ZDHHC21: variants seen among roughly 807,000 people sequenced by gnomAD.
ZDHHC21 encodes the protein palmitoyltransferase ZDHHC21.
ZDHHC21 carries 15 observed loss-of-function variants against 34.6 expected under a neutral mutation model. That is an observed-to-expected ratio of 0.43 (90% CI 0.29 to 0.67). The LOEUF (loss-of-function observed/expected upper bound fraction) is 0.67, where lower values mean the gene tolerates loss of function less well. ZDHHC21 is among the 30% of genes least tolerant of loss of function. ZDHHC21 has a pLI of 0.14. For synonymous variants in ZDHHC21, 142 were observed against 101.8 expected (o/e 1.40, Z -2.38); for missense variants, 344 against 327.7 (o/e 1.05, Z -0.38).
the ZDHHC21 span, among the ~76,000 whole-genome samples, chr9:14,600,575 G>C: frequency 6.6e-6 from 1 of 152,146 alleles, no homozygotes; most frequent in Non-Finnish European, 1.5e-5. Flanking sequence ...TGGCCATATT[G>C]CCCAAAGTAA....
chr9:14,648,004 T>C (rs549437887), intron 7 of ZDHHC21, among the ~76,000 whole-genome samples: 1 of 152,228 alleles, frequency 6.6e-6, no homozygotes, highest in African/African-American at 2.4e-5. Context: ...AGTAAACATG[T>C]GTAAAACCCA....
intron 8 of ZDHHC21, among the ~76,000 whole-genome samples, chr9:14,635,730 C>A (rs199623521): frequency 6.6e-6 from 1 of 152,138 alleles, no homozygotes; most frequent in African/African-American, 2.4e-5. Context: ...CATAAAAACA[C>A]ATGAAAGTAT....
rs2133404006 is a variant in ZDHHC21 at position 14,617,470 on chromosome 9, C to G, written c.*1496G>C. 6.6e-6 allele frequency: 1 copy of G among 152,058 alleles called. No homozygotes were observed. The highest frequency in any genetic ancestry group is 1.9e-4 in the East Asian group (1 of 5,162). 9.4% of individuals were successfully genotyped at this position (152,058 alleles called of 1,614,324 possible). A position where few individuals can be genotyped will look rare whatever the true frequency, so the allele number is the denominator to read the frequency against. The stretch of plus-strand genomic sequence containing the variant: ...TAGCCAACTGGCTGACAATGGTAAC[C>G]TTCTGTTTAATTATTTCCCAGGTAT... On this transcript the variant is annotated 3_prime_UTR_variant, in exon 10 of 10. Transcript: ENST00000380916.
chr9:14,602,105 C>T, the ZDHHC21 span, among the ~76,000 whole-genome samples: 10 of 151,750 alleles, frequency 6.6e-5, no homozygotes, highest in Non-Finnish European at 1.2e-4. Flanking sequence ...ATGTAACAAA[C>T]CTGCATGTTC....
At chr9:14,658,153 C>A (rs563743889) in intron 7 of ZDHHC21, among the ~76,000 whole-genome samples, 1 of 152,112 alleles carries the variant, frequency 6.6e-6, no homozygotes, top group East Asian at 1.9e-4. Context: ...GAAACAAGAA[C>A]ATTTTGTCTT....
At chr9:14,594,150 G>T in the ZDHHC21 span, 2 of 152,156 alleles carry the variant, frequency 1.3e-5, no homozygotes, top group Non-Finnish European at 2.9e-5. Context: ...GCTTTTTTCA[G>T]ATGTAGATAG....
In ZDHHC21 at chr9:14,613,741, T is replaced by C. The variant is rs1823718484; in HGVS notation, c.*5225A>G. The C allele has an allele frequency of 6.6e-6, 1 of 151,774 alleles. No homozygotes were observed. The highest frequency in any genetic ancestry group is 2.4e-5 in the African/African-American group (1 of 41,386). The allele number at this position is 151,774 out of a possible 1,614,324, so 9.4% of individuals were successfully genotyped here. A position where few individuals can be genotyped will look rare whatever the true frequency, so the allele number is the denominator to read the frequency against. Reference sequence around the variant, plus strand: ...TGTTAAAGTGAAAGCCACCCTTATATATTGTTTATTTTTCCTCTGGTGACA... The same window carrying C: ...TGTTAAAGTGAAAGCCACCCTTATACATTGTTTATTTTTCCTCTGGTGACA... On this transcript the variant is annotated 3_prime_UTR_variant, in exon 10 of 10. Transcript: ENST00000380916.
intron 8 of ZDHHC21, among the ~76,000 whole-genome samples, chr9:14,631,222 T>G (rs1827286397): frequency 6.6e-6 from 1 of 152,240 alleles, no homozygotes; most frequent in Non-Finnish European, 1.5e-5. Context: ...TTGCAACTTC[T>G]ACATCAGCAC....
rs971595507 is a variant in ZDHHC21 at position 14,614,298 on chromosome 9, A to T, written c.*4668T>A. ...GATAATGGAAAGTATCAGTAATATC[A>T]ATGACTTTTTAAAATACCATTGTTA... On this transcript the variant is annotated 3_prime_UTR_variant, in exon 10 of 10. Coordinates refer to ENST00000380916, the MANE Select transcript of ZDHHC21 (RefSeq NM_178566.6). 1 of 8,788 alleles carries T rather than the reference A, an allele frequency of 1.1e-4. No individual in the cohort carries two copies. Among genetic ancestry groups the T allele is most frequent in the African/African-American group, 3.2e-4 (1 of 3,152 alleles). The allele number at this position is 8,788 out of a possible 1,614,324, so 0.5% of individuals were successfully genotyped here.
chr9:14,606,191 T>C (rs1171811110), downstream of ZDHHC21, among the ~76,000 whole-genome samples: 3 of 152,160 alleles, frequency 2.0e-5, no homozygotes, highest in African/African-American at 4.8e-5. Context: ...TCCTATATAC[T>C]TTTCCTGTGA....
intron 1 of ZDHHC21, among the ~76,000 whole-genome samples, 172 bp from the exon 2 acceptor site, chr9:14,690,557 GGAA>G (rs1839015026): frequency 6.6e-6 from 1 of 152,130 alleles, no homozygotes; most frequent in African/African-American, 2.4e-5. Flanking sequence ...TCTGAAATGG[GGAA>G]GAAGGTTAAT....
At chr9:14,605,901 A>G in the ZDHHC21 span, among the ~76,000 whole-genome samples, 2 of 152,208 alleles carry the variant, frequency 1.3e-5, no homozygotes, top group Admixed American at 6.5e-5. Context: ...AAATGTACAA[A>G]ACATTGAAGT....
In ZDHHC21 at chr9:14,680,097, G is replaced by A. The variant is rs749933077; in HGVS notation, c.-110C>T. ...AATCTGCATTTAGAGATTTTCTTTT[G>A]ATTCATTTTTTTTAATTATATCCCA... On this transcript the variant is annotated 5_prime_UTR_variant, in exon 3 of 10. An upstream open reading frame in the 5' UTR gains an earlier in-frame stop. Coordinates refer to ENST00000380916, the MANE Select transcript of ZDHHC21 (RefSeq NM_178566.6). 3.9e-5 allele frequency: 6 copies of A among 152,324 alleles called. No homozygotes were observed. The highest frequency in any genetic ancestry group is 7.4e-5 in the Non-Finnish European group (5 of 67,934). The allele number at this position is 152,324 out of a possible 1,614,324, so 9.4% of individuals were successfully genotyped here.
At chr9:14,608,715 C>A (rs146439570), downstream of ZDHHC21, among the ~76,000 whole-genome samples, 40 of 151,448 alleles carry the variant, frequency 2.6e-4, no homozygotes, top group African/African-American at 8.7e-4. Context: ...ACTGTTTGCT[C>A]AGCTGGATGT....
chr9:14,619,174 G>C (rs184261455), intron 9 of ZDHHC21, 76 bp from the exon 10 acceptor site: 5 of 1,450,002 alleles, frequency 3.4e-6, no homozygotes, highest in Admixed American at 2.4e-5. Flanking sequence ...ATACAGATTG[G>C]CTGGGGATCC....
intron 8 of ZDHHC21, among the ~76,000 whole-genome samples, chr9:14,620,143 A>G (rs1397603493): frequency 6.6e-6 from 1 of 152,076 alleles, no homozygotes; most frequent in African/African-American, 2.4e-5. Flanking sequence ...AAAACTCAAC[A>G]AGGCAATCTA....
chr9:14,690,691 T>A (rs1839031339), intron 1 of ZDHHC21, among the ~76,000 whole-genome samples: 1 of 152,150 alleles, frequency 6.6e-6, no homozygotes, highest in African/African-American at 2.4e-5. Flanking sequence ...TAAAGTACCA[T>A]CATACTAAGG....
intron 3 of ZDHHC21, chr9:14,677,343 T>C (rs938437443): frequency 6.6e-6 from 1 of 151,998 alleles, no homozygotes; most frequent in East Asian, 1.9e-4. Flanking sequence ...AATTGGGTCG[T>C]AGAACACAAA....
intron 7 of ZDHHC21, among the ~76,000 whole-genome samples, chr9:14,647,739 T>C (rs916804375): frequency 2.5e-4 from 38 of 152,130 alleles, no homozygotes; most frequent in Non-Finnish European, 7.4e-5. Flanking sequence ...GCTGCAGTCT[T>C]AGTCACCTTT....
Sources: allele counts gnomAD v4.1 joint callset (sites outside exome capture counted in the v4.1 genomes callset), GRCh38; gene constraint gnomAD v4.1.1; transcripts MANE v1.5; gene names NCBI Gene and HGNC (gene_info 2026-07-23, HGNC 2026-07-21).